ABCA13: variants seen among roughly 807,000 people sequenced by gnomAD.
ABCA13 encodes ATP-binding cassette sub-family A member 13.
A neutral mutation model predicts 478.7 loss-of-function variants in ABCA13; 476 were observed. The observed-to-expected ratio is 0.99, with a 90% CI of 0.92 to 1.07. The LOEUF is 1.07. Among genes scored for constraint, ABCA13 ranks in the 50% least tolerant of loss-of-function variants. The pLI, the probability that ABCA13 is intolerant of heterozygous loss-of-function variation, is 0.00. For missense variants in ABCA13, 6,060 were observed against 5,910.6 expected (o/e 1.03, Z -0.83); for synonymous variants, 2,252 against 2,158.9 (o/e 1.04, Z -1.20).
At chr7:48,474,443 C>G (rs899085023) in intron 45 of ABCA13, among the ~76,000 whole-genome samples, 2 of 152,050 alleles carry the variant, frequency 1.3e-5, no homozygotes, top group Non-Finnish European at 2.9e-5. Flanking sequence ...TGAGTGAGCC[C>G]GAAAGTCAGG....
chr7:48,181,644 T>A (rs181777459), intron 1 of ABCA13, among the ~76,000 whole-genome samples: 36 of 152,282 alleles, frequency 2.4e-4, no homozygotes. Context: ...GGTCATTTTG[T>A]CATATCTTTT....
chr7:48,330,365 C>CCATCCATCCATCCATT (rs1207675804), intron 27 of ABCA13, among the ~76,000 whole-genome samples: 1 of 151,092 alleles, frequency 6.6e-6, no homozygotes, highest in East Asian at 2.0e-4. Flanking sequence ...ATCCATCCAC[C>CCATCCATCCATCCATT]CATCCATCCA....
chr7:48,198,087 T>C, intron 2 of ABCA13, 150 bp from the exon 3 acceptor site: 2 of 809,804 alleles, frequency 2.5e-6, no homozygotes. Context: ...TGTTTGATTC[T>C]TTTTGTCTGA....
chr7:48,489,980 A>G (rs1284034679), intron 48 of ABCA13, among the ~76,000 whole-genome samples: 1 of 152,220 alleles, frequency 6.6e-6, no homozygotes, highest in Non-Finnish European at 1.5e-5. Context: ...GCAACAGGCC[A>G]TGTCCACCAC....
intron 52 of ABCA13, among the ~76,000 whole-genome samples, chr7:48,519,586 G>A (rs1020750769): frequency 6.3e-4 from 96 of 152,246 alleles, no homozygotes; most frequent in African/African-American, 2.3e-3. Flanking sequence ...GGGGGATGTG[G>A]GGGAGCAAAA....
At chr7:48,526,784 A>G (rs915009784) in intron 54 of ABCA13, among the ~76,000 whole-genome samples, 5 of 152,192 alleles carry the variant, frequency 3.3e-5, no homozygotes, top group African/African-American at 7.2e-5. Context: ...GCAGTTCATC[A>G]TTGCCTGAAC....
intron 56 of ABCA13, among the ~76,000 whole-genome samples, chr7:48,585,276 A>G (rs1445368418): frequency 2.0e-5 from 3 of 152,162 alleles, no homozygotes; most frequent in African/African-American, 4.8e-5. Flanking sequence ...GTTGTTCTGA[A>G]TGGAGCCAGG....
chr7:48,362,954 C>A (rs1354068156), intron 31 of ABCA13, among the ~76,000 whole-genome samples: 1 of 152,074 alleles, frequency 6.6e-6, no homozygotes, highest in Non-Finnish European at 1.5e-5. Context: ...CCCCATTATC[C>A]TTCCATTTGT....
At chr7:48,577,147 A>G (rs921232073) in intron 55 of ABCA13, among the ~76,000 whole-genome samples, 3 of 152,160 alleles carry the variant, frequency 2.0e-5, no homozygotes, top group African/African-American at 7.2e-5. Flanking sequence ...AAAATAGATA[A>G]TCTAAGCTTA....
intron 29 of ABCA13, among the ~76,000 whole-genome samples, chr7:48,339,460 T>A (rs1190223000): frequency 1.3e-5 from 2 of 152,220 alleles, no homozygotes; most frequent in Non-Finnish European, 2.9e-5. Context: ...TCTGAGAGAT[T>A]TCCTGTGTGG....
rs764390854 is a variant in ABCA13, at chr7:48,352,411, G to T, written c.10612G>T (p.Val3538Leu). ...QDMIERAIILVQTGQEALEPA... is the reference protein window; with the variant it reads ...QDMIERAIILLQTGQEALEPA... Reference sequence around the variant, plus strand: ...CATGATCGAAAGAGCCATCATTTTGGTGCAGACTGGGCAGGAAGCCCTGGA... The same window carrying T: ...CATGATCGAAAGAGCCATCATTTTGTTGCAGACTGGGCAGGAAGCCCTGGA... Residue 3538 changes from valine (V) to leucine (L), a missense_variant, in exon 31 of 62, where the codon GTG becomes TTG. Transcript: ENST00000435803. The T allele has an allele frequency of 1.2e-5, 19 of 1,613,178 alleles. No individual in the cohort carries two copies. The East Asian group carries it at 4.2e-4, about 36-fold the overall frequency.
chr7:48,185,788 A>G (rs1796274602), intron 1 of ABCA13, among the ~76,000 whole-genome samples: 1 of 152,104 alleles, frequency 6.6e-6, no homozygotes, highest in South Asian at 2.1e-4. Flanking sequence ...TTCTCCTTCT[A>G]TGAAGGTAAA....
intron 3 of ABCA13, among the ~76,000 whole-genome samples, chr7:48,217,573 G>A (rs1008300484): frequency 5.3e-5 from 8 of 152,140 alleles, no homozygotes; most frequent in Non-Finnish European, 1.2e-4. Context: ...GTGTGACACT[G>A]CTTTAAACAC....
chr7:48,280,848 C>T (rs1461724594), intron 18 of ABCA13, among the ~76,000 whole-genome samples: 1 of 152,190 alleles, frequency 6.6e-6, no homozygotes, highest in East Asian at 1.9e-4. Context: ...GTTTTCAGAG[C>T]TTCCTTCTTC....
intron 57 of ABCA13, among the ~76,000 whole-genome samples, chr7:48,587,852 T>C (rs1427443018): frequency 6.6e-6 from 1 of 152,236 alleles, no homozygotes; most frequent in East Asian, 1.9e-4. Flanking sequence ...GAGGCAACAA[T>C]TGTCAAGAAA....
rs145114893 is a variant in ABCA13 at position 48,467,962 on chromosome 7, T to C, written c.12905+917T>C. On this transcript the variant is annotated intron_variant, in intron 44 of 61. Coordinates refer to ENST00000435803, the MANE Select transcript of ABCA13 (RefSeq NM_152701.5). ...CTAGTCTTTGCAAAACAAAGTAATT[T>C]ATTTAACTAAAACTTCAATGGTAAT... 7.9e-4 allele frequency among the ~76,000 whole-genome samples: 120 copies of C among 152,336 alleles called. 3 individuals are homozygous for C. In the East Asian group the frequency reaches 0.02, roughly 26 times the overall value.
chr7:48,221,175 A>G, intron 4 of ABCA13, 106 bp from the exon 5 acceptor site: 1 of 566,894 alleles, frequency 1.8e-6, no homozygotes, highest in South Asian at 2.0e-5. Flanking sequence ...TTTTTGGGCC[A>G]GGGCTCTTGG....
intron 23 of ABCA13, 120 bp downstream of exon 23, chr7:48,298,607 G>A: frequency 3.4e-6 from 4 of 1,177,698 alleles, no homozygotes; most frequent in African/African-American, 1.5e-5. Flanking sequence ...AGTGTAGTGG[G>A]TTGCTGCACA....
Position 48,248,250 on chromosome 7 carries a change from GC to G in ABCA13, c.1672del (p.Gln558LysfsTer13). On this transcript the variant is annotated frameshift_variant, in exon 14 of 62. Transcript: ENST00000435803. LOFTEE classifies it high-confidence loss of function. ...GSVEDADRIL[Q>X]EVITWHKNMS... ...CTTTTCTTGTTAAGGATCGTATTTT[GC>G]AAGAGGTCATTACTTGGCACAAAAA... The G allele has an allele frequency of 6.2e-7, 1 of 1,612,750 alleles. No individual in the cohort carries two copies. The highest frequency in any genetic ancestry group is 8.5e-7 in the Non-Finnish European group (1 of 1,179,072).
Sources: allele counts gnomAD v4.1 joint callset (sites outside exome capture counted in the v4.1 genomes callset), GRCh38; gene constraint gnomAD v4.1.1; transcripts MANE v1.5; gene names NCBI Gene and HGNC (gene_info 2026-07-23, HGNC 2026-07-21).